Variants in CCDC148 observed in about 807,000 individuals in gnomAD.
The protein encoded by CCDC148 is coiled-coil domain containing 148, also known as coiled-coil domain-containing protein 148.
Under a neutral mutation model 85.7 loss-of-function variants are expected in CCDC148, and 89 were observed. The observed-to-expected ratio is 1.04, with a 90% CI of 0.87 to 1.24. The LOEUF is 1.24. Among genes scored for constraint, CCDC148 ranks in the 50% most tolerant of loss-of-function variants. The probability of loss-of-function intolerance (pLI) is 0.00; values close to 1 mark genes in which losing one functional copy is unlikely to be tolerated. For synonymous variants in CCDC148, 230 were observed against 213.9 expected (o/e 1.08, Z -0.66); for missense variants, 692 against 671.7 (o/e 1.03, Z -0.33).
intron 9 of CCDC148, among the ~76,000 whole-genome samples, chr2:158,253,350 C>G (rs1438984086): frequency 6.6e-6 from 1 of 151,586 alleles, no homozygotes; most frequent in Non-Finnish European, 1.5e-5. Flanking sequence ...TCTGCCTTCC[C>G]TTATATGGCC....
chr2:158,299,007 G>A (rs1691322698), intron 9 of CCDC148, among the ~76,000 whole-genome samples: 1 of 152,150 alleles, frequency 6.6e-6, no homozygotes, highest in African/African-American at 2.4e-5. Context: ...TAGTCAGGAA[G>A]GCACTTAAGT....
chr2:158,296,602 C>A (rs966728491), intron 9 of CCDC148, among the ~76,000 whole-genome samples: 9 of 152,104 alleles, frequency 5.9e-5, no homozygotes, highest in African/African-American at 2.2e-4. Context: ...TATTCTAGAC[C>A]AAGTATCCTC....
chr2:158,304,542 C>A (rs1431577472), intron 9 of CCDC148, among the ~76,000 whole-genome samples: 1 of 152,134 alleles, frequency 6.6e-6, no homozygotes, highest in Admixed American at 6.5e-5. Context: ...AAATCTTGGG[C>A]AGAATATCTT....
At chr2:158,199,795 T>A (rs1427366821) in intron 11 of CCDC148, among the ~76,000 whole-genome samples, 1 of 152,202 alleles carries the variant, frequency 6.6e-6, no homozygotes, top group African/African-American at 2.4e-5. Flanking sequence ...ATGTTTCTTT[T>A]TCTTTGAAAA....
intron 1 of CCDC148, among the ~76,000 whole-genome samples, chr2:158,369,579 A>G (rs1243649893): frequency 6.6e-6 from 1 of 152,146 alleles, no homozygotes; most frequent in Non-Finnish European, 1.5e-5. Context: ...GGCTGAGACA[A>G]TGGGGTTTTC....
intron 7 of CCDC148, among the ~76,000 whole-genome samples, chr2:158,336,869 C>A (rs901471921): frequency 6.6e-6 from 1 of 152,132 alleles, no homozygotes; most frequent in Non-Finnish European, 1.5e-5. Context: ...TGCCTCCCCA[C>A]CGTCTTCTGC....
intron 11 of CCDC148, chr2:158,207,517 T>A (rs770612775): frequency 3.3e-5 from 5 of 152,220 alleles, no homozygotes; most frequent in Non-Finnish European, 4.4e-5. Flanking sequence ...CTTCTAATGC[T>A]TCCATCGGAG....
chr2:158,190,004 G>A (rs1252793671), intron 11 of CCDC148, among the ~76,000 whole-genome samples: 1 of 151,940 alleles, frequency 6.6e-6, no homozygotes. Context: ...ACAGGAGTTG[G>A]CAAAATAAAA....
intron 10 of CCDC148, among the ~76,000 whole-genome samples, chr2:158,233,058 A>G (rs1012127622): frequency 1.3e-5 from 2 of 152,136 alleles, no homozygotes; most frequent in African/African-American, 2.4e-5. Context: ...TGTTTGAGGT[A>G]ATGGATATCC....
At position 158,225,269 on chromosome 2, in the gene CCDC148, T is replaced by C. The variant is rs1254697832; in HGVS notation, c.1252-4556A>G. On this transcript the variant is annotated intron_variant, in intron 10 of 13. Coordinates refer to ENST00000283233, the MANE Select transcript of CCDC148 (RefSeq NM_138803.4). The stretch of plus-strand genomic sequence containing the variant: ...AGAAGAGCTAACTATCCTAAATATA[T>C]ATGCACCCAAAACAGGAGCACCCAG... 9.9e-5 allele frequency among the ~76,000 whole-genome samples: 15 copies of C among 152,264 alleles called. No individual in the cohort carries two copies. The East Asian group carries it at 2.1e-3, about 22-fold the overall frequency.
intron 1 of CCDC148, among the ~76,000 whole-genome samples, chr2:158,418,582 T>A (rs991208150): frequency 3.9e-5 from 6 of 152,134 alleles, no homozygotes; most frequent in African/African-American, 1.4e-4. Flanking sequence ...TTCTCATAGT[T>A]CAGGTCTTGT....
intron 1 of CCDC148, among the ~76,000 whole-genome samples, chr2:158,368,374 G>T (rs946280802): frequency 2.6e-5 from 4 of 152,068 alleles, no homozygotes; most frequent in African/African-American, 9.7e-5. Context: ...TCCCAAAGAA[G>T]TATACATCAT....
intron 10 of CCDC148, among the ~76,000 whole-genome samples, chr2:158,230,952 T>C (rs1046683811): frequency 2.6e-5 from 4 of 151,998 alleles, no homozygotes; most frequent in Non-Finnish European, 5.9e-5. Context: ...TACTAGTAAC[T>C]GAGATAGAAG....
intron 1 of CCDC148, among the ~76,000 whole-genome samples, chr2:158,398,163 C>T (rs182086445): frequency 1.3e-5 from 2 of 152,184 alleles, no homozygotes; most frequent in African/African-American, 4.8e-5. Context: ...CTTAGCCTCC[C>T]ACACAATAAT....
At chr2:158,178,819 A>G (rs201345664) in intron 12 of CCDC148, 60 bp downstream of exon 12, 27 of 1,165,630 alleles carry the variant, frequency 2.3e-5, no homozygotes, top group Non-Finnish European at 3.2e-5. Context: ...TGCTATTAAG[A>G]GCACTTAGAA....
At chr2:158,439,250 G>C (rs575418094) in intron 1 of CCDC148, among the ~76,000 whole-genome samples, 13 of 152,226 alleles carry the variant, frequency 8.5e-5, no homozygotes, top group Non-Finnish European at 1.5e-4. Context: ...TGATAGACTG[G>C]ATTAAGAAAA....
In CCDC148 at chr2:158,438,585, A is replaced by T. The variant is rs561447095; in HGVS notation, c.25+17830T>A. Among the ~76,000 whole-genome samples the T allele has an allele frequency of 2.0e-5, 3 of 152,286 alleles. No homozygotes were observed. The South Asian group carries it at 6.2e-4, about 32-fold the overall frequency. ...CATGGGCAAGGACTTCATGTCCAAAACACCAAAAGCAATGGCAACAAAAGC... is the reference window on the plus strand; with the variant it reads ...CATGGGCAAGGACTTCATGTCCAAATCACCAAAAGCAATGGCAACAAAAGC... On this transcript the variant is annotated intron_variant, in intron 1 of 13. Transcript: ENST00000283233.
chr2:158,456,303 G>C, intron 1 of CCDC148, 112 bp downstream of exon 1: 1 of 1,068,466 alleles, frequency 9.4e-7, no homozygotes, highest in Non-Finnish European at 1.4e-6. Context: ...GTTGAGGAAA[G>C]ATCCACCCCA....
chr2:158,289,371 C>T (rs998293839), intron 9 of CCDC148, among the ~76,000 whole-genome samples: 3 of 151,352 alleles, frequency 2.0e-5, no homozygotes, highest in East Asian at 1.9e-4. Context: ...AAGTACAAAT[C>T]GATAAGAAAA....
Sources: gnomAD v4.1 joint callset for allele counts (sites outside exome capture counted in the v4.1 genomes callset) on GRCh38, gnomAD v4.1.1 for gene constraint, MANE v1.5 for transcripts, NCBI Gene and HGNC (gene_info 2026-07-23, HGNC 2026-07-21) for gene names.